MOK: variants seen among roughly 807,000 people sequenced by gnomAD.
MOK encodes the protein MOK protein kinase.
A neutral mutation model predicts 54.2 loss-of-function variants in MOK; 59 were observed. That is an observed-to-expected ratio of 1.09 (90% CI 0.88 to 1.35). The LOEUF (loss-of-function observed/expected upper bound fraction) is 1.35, where lower values mean the gene tolerates loss of function less well. Among genes scored for constraint, MOK ranks in the 40% most tolerant of loss-of-function variants. The pLI is 0.00. For missense variants in MOK, 517 were observed against 526.2 expected (o/e 0.98, Z 0.17); for synonymous variants, 210 against 202.7 (o/e 1.04, Z -0.31).
chr14:102,280,142 T>C (rs2069265855), intron 2 of MOK, among the ~76,000 whole-genome samples: 2 of 152,178 alleles, frequency 1.3e-5, no homozygotes. Context: ...AGGTACATCC[T>C]GGATCTGCTT....
In MOK at chr14:102,294,213, A is replaced by G. The variant is rs546430531; in HGVS notation, c.8-10621T>C. 3.9e-3 allele frequency among the ~76,000 whole-genome samples: 592 copies of G among 150,782 alleles called. 5 individuals are homozygous for G. The highest frequency in any genetic ancestry group is 0.012 in the African/African-American group (477 of 40,416). ...TGTAATCCCAGCACTTTGGGAGGCC[A>G]AGGCGGGCGGATCACGAGGTCAGGA... On this transcript the variant is annotated intron_variant, in intron 1 of 11. Transcript: ENST00000361847.
At chr14:102,224,759 C>G (rs1300298048), downstream of MOK, 1 of 455,934 alleles carries the variant, frequency 2.2e-6, no homozygotes, top group African/African-American at 2.0e-5. Flanking sequence ...AGCAGGGACT[C>G]TGGATCACGG....
downstream of MOK, chr14:102,222,787 G>C: frequency 6.2e-7 from 1 of 1,612,492 alleles, no homozygotes; most frequent in Non-Finnish European, 8.5e-7. The surrounding 1 kb of genome is among the most constrained non-coding windows in gnomAD (Gnocchi z 4.4). Flanking sequence ...GCTGTTGCCC[G>C]TCCGGTGTTT....
intron 1 of MOK, among the ~76,000 whole-genome samples, chr14:102,286,176 G>C (rs1160752575): frequency 6.6e-6 from 1 of 151,680 alleles, no homozygotes; most frequent in African/African-American, 2.4e-5. Flanking sequence ...GCGGGTGCCT[G>C]TAGTCCCAGC....
At chr14:102,302,924 G>A (rs926948412) in intron 1 of MOK, among the ~76,000 whole-genome samples, 57 of 151,316 alleles carry the variant, frequency 3.8e-4, no homozygotes, top group Non-Finnish European at 1.2e-4. Context: ...CACTTTGGGA[G>A]GCTGAGGCGG....
chr14:102,226,258 G>T (rs1463087946), downstream of MOK: 3 of 683,764 alleles, frequency 4.4e-6, no homozygotes, highest in Non-Finnish European at 8.0e-6. This position sits in a 1 kb window ranked among gnomAD's most constrained non-coding sequence, Gnocchi z 4.8. Flanking sequence ...AAGGTCAGGA[G>T]GGTGAGGTGG....
rs574153331 is a variant in MOK at position 102,236,900 on chromosome 14, C to T, written c.591-3111G>A. Among the ~76,000 whole-genome samples, 1 of 152,274 alleles carries T rather than the reference C, an allele frequency of 6.6e-6. No individual in the cohort carries two copies. The highest frequency in any genetic ancestry group is 6.5e-5 in the Admixed American group (1 of 15,288). On this transcript the variant is annotated intron_variant, in intron 7 of 11. Coordinates refer to ENST00000361847, the MANE Select transcript of MOK (RefSeq NM_014226.3). This position sits in a 1 kb window ranked among gnomAD's most constrained non-coding sequence, Gnocchi z 4.5. ...GGTTAAAAAATCAGACGGCTCATAC[C>T]GACTCCTGCAAGACCTCCGAGCCAT... is the stretch of plus-strand genomic sequence containing the variant.
Position 102,250,865 on chromosome 14 carries a change from G to A in MOK, c.537C>T (p.Tyr179=), listed in dbSNP as rs1465155443. The A allele has an allele frequency of 5.6e-6, 9 of 1,614,000 alleles. No homozygotes were observed. In the Admixed American group the frequency reaches 1.5e-4, roughly 27 times the overall value. Residue 179 remains tyrosine (Y), a synonymous_variant, in exon 7 of 12, where the codon TAC becomes TAT. Transcript: ENST00000361847. ...APECLLTDGF[Y]TYKMDLWSAG... is the part of the protein sequence containing the mutation. ...CGCTCCACAGGTCCATCTTGTACGTGTAGAACCCATCAGTGAGGAGACACT... is the reference window on the plus strand; with the variant it reads ...CGCTCCACAGGTCCATCTTGTACGTATAGAACCCATCAGTGAGGAGACACT...
At position 102,229,115 on chromosome 14, in the gene MOK, G is replaced by C; in HGVS notation, c.*174C>G. 1.6e-6 allele frequency: 1 copy of C among 621,974 alleles called. No homozygotes were observed. Among genetic ancestry groups the C allele is most frequent in the Admixed American group, 3.3e-5 (1 of 29,988 alleles). The allele number at this position is 621,974 out of a possible 1,614,324, so 38.5% of individuals were successfully genotyped here. A position where few individuals can be genotyped will look rare whatever the true frequency, so the allele number is the denominator to read the frequency against. On this transcript the variant is annotated 3_prime_UTR_variant, in exon 12 of 12. Coordinates refer to ENST00000361847, the MANE Select transcript of MOK (RefSeq NM_014226.3). ...ATATTAGCCCAGAACATCCTAGGCA[G>C]CTGCGCGGGCCGCGGGTGCGGCAGG...
intron 4 of MOK, among the ~76,000 whole-genome samples, chr14:102,261,761 T>C (rs1441494621): frequency 6.6e-6 from 1 of 151,782 alleles, no homozygotes; most frequent in East Asian, 1.9e-4. Context: ...GGTCTTGAAC[T>C]CCTGACCTCA....
At chr14:102,229,422 G>C (rs1351973533) in intron 11 of MOK, 35 bp downstream of exon 11, 1 of 1,613,998 alleles carries the variant, frequency 6.2e-7, no homozygotes, top group Non-Finnish European at 8.5e-7. Context: ...CTGGGTCGAA[G>C]AGCAGCGCCG....
chr14:102,282,142 C>T (rs2069508406), intron 2 of MOK, among the ~76,000 whole-genome samples: 1 of 152,238 alleles, frequency 6.6e-6, no homozygotes, highest in Non-Finnish European at 1.5e-5. Context: ...TGTGGTGGCT[C>T]ACACCTATAA....
chr14:102,238,743 A>T lies in MOK; in HGVS notation c.591-4954T>A, dbSNP rs1312081421. ...CTGACATCTCTCCACCAATCCTTCC[A>T]TATTGGTGCATGTCCCCTATATCTC... On this transcript the variant is annotated intron_variant, in intron 7 of 11. Coordinates refer to ENST00000361847, the MANE Select transcript of MOK (RefSeq NM_014226.3). This position sits in a 1 kb window ranked among gnomAD's most constrained non-coding sequence, Gnocchi z 4.8. Among the ~76,000 whole-genome samples the T allele has an allele frequency of 2.0e-5, 3 of 152,078 alleles. No homozygotes were observed. The highest frequency in any genetic ancestry group is 4.4e-5 in the Non-Finnish European group (3 of 68,014).
intron 4 of MOK, among the ~76,000 whole-genome samples, chr14:102,255,540 C>T (rs189869594): frequency 6.7e-6 from 1 of 148,954 alleles, no homozygotes. Context: ...GTCCTGGTCC[C>T]GGGCCAGTAG....
chr14:102,298,008 G>A (rs1471566012), intron 1 of MOK, among the ~76,000 whole-genome samples: 14 of 152,172 alleles, frequency 9.2e-5, no homozygotes, highest in African/African-American at 2.9e-4. Flanking sequence ...AAGCCTCCCC[G>A]AGGAGCACCG....
intron 2 of MOK, among the ~76,000 whole-genome samples, chr14:102,272,280 G>A (rs1597470319): frequency 6.6e-6 from 1 of 152,166 alleles, no homozygotes; most frequent in East Asian, 1.9e-4. Context: ...CCTGAGGTCA[G>A]GAGTTCAAGA....
chr14:102,234,601 C>A (rs770272870), intron 7 of MOK, among the ~76,000 whole-genome samples: 1 of 152,132 alleles, frequency 6.6e-6, no homozygotes, highest in Non-Finnish European at 1.5e-5. Context: ...TACCCCCCTC[C>A]CTTCCATTCA....
Position 102,232,123 on chromosome 14 carries a change from G to A in MOK, c.867-302C>T, listed in dbSNP as rs2064784135. 2.7e-6 allele frequency: 1 copy of A among 374,642 alleles called. No individual in the cohort carries two copies. The highest frequency in any genetic ancestry group is 4.8e-6 in the Non-Finnish European group (1 of 208,596). The allele number at this position is 374,642 out of a possible 1,614,324, so 23.2% of individuals were successfully genotyped here. Reference sequence around the variant, plus strand: ...AGTGTCCAGAGGTCCGGAATTAGGTGACCTCAGGGCAGACAGGTCTTAGAT... The same window carrying A: ...AGTGTCCAGAGGTCCGGAATTAGGTAACCTCAGGGCAGACAGGTCTTAGAT... On this transcript the variant is annotated intron_variant, in intron 9 of 11. Coordinates refer to ENST00000361847, the MANE Select transcript of MOK (RefSeq NM_014226.3). The surrounding 1 kb of genome is among the most constrained non-coding windows in gnomAD (Gnocchi z 5.1).
chr14:102,256,617 T>G (rs971129718), intron 4 of MOK, among the ~76,000 whole-genome samples: 1 of 151,664 alleles, frequency 6.6e-6, no homozygotes, highest in Admixed American at 6.6e-5. Flanking sequence ...CTTAGGCTAG[T>G]CTCAAACTCC....
Sources: allele counts gnomAD v4.1 joint callset (sites outside exome capture counted in the v4.1 genomes callset), GRCh38; gene constraint gnomAD v4.1.1; non-coding constraint Gnocchi (gnomAD v3.1); transcripts MANE v1.5; gene names NCBI Gene and HGNC (gene_info 2026-07-23, HGNC 2026-07-21).